MAGI2: variants seen among roughly 807,000 people sequenced by gnomAD.
The protein encoded by MAGI2 is membrane-associated guanylate kinase, WW and PDZ domain-containing protein 2.
MAGI2 carries 35 observed loss-of-function variants against 133.3 expected under a neutral mutation model. The observed-to-expected ratio is 0.26, with a 90% CI of 0.20 to 0.35. MAGI2 has a LOEUF of 0.35. Ranked by LOEUF, MAGI2 falls within the 10% of genes least tolerant of loss-of-function variation. The pLI, the probability that MAGI2 is intolerant of heterozygous loss-of-function variation, is 1.00. For missense variants in MAGI2, 1,636 were observed against 1,863.4 expected (o/e 0.88, Z 2.25); for synonymous variants, 729 against 710.6 (o/e 1.03, Z -0.41).
At chr7:78,318,959 G>C (rs192568606) in intron 9 of MAGI2, among the ~76,000 whole-genome samples, 155 of 152,284 alleles carry the variant, frequency 1.0e-3, no homozygotes, top group African/African-American at 3.5e-3. Flanking sequence ...AAGAGCTCCT[G>C]AAGGAAGCAC....
At chr7:78,357,964 T>C (rs915069484) in intron 7 of MAGI2, among the ~76,000 whole-genome samples, 1 of 150,932 alleles carries the variant, frequency 6.6e-6, no homozygotes, top group Non-Finnish European at 1.5e-5. Context: ...TGATAAACAC[T>C]AGTAATAAAT....
intron 1 of MAGI2, among the ~76,000 whole-genome samples, chr7:79,070,538 C>A (rs1191573970): frequency 2.6e-5 from 4 of 151,922 alleles, no homozygotes; most frequent in African/African-American, 9.7e-5. Flanking sequence ...GTCACCCAGG[C>A]TGGAGTGCAG....
chr7:78,463,300 G>A (rs977301611), intron 6 of MAGI2, among the ~76,000 whole-genome samples: 5 of 152,194 alleles, frequency 3.3e-5, no homozygotes, highest in African/African-American at 1.2e-4. Flanking sequence ...ACATGTACAG[G>A]GAAACATACA....
intron 9 of MAGI2, among the ~76,000 whole-genome samples, chr7:78,324,486 T>C (rs1339099231): frequency 6.6e-6 from 1 of 152,202 alleles, no homozygotes; most frequent in Middle Eastern, 3.2e-3. Context: ...TTACCTTTCC[T>C]AAACTTCAGT....
intron 1 of MAGI2, among the ~76,000 whole-genome samples, chr7:79,196,160 T>A (rs777322321): frequency 3.9e-5 from 6 of 152,040 alleles, no homozygotes; most frequent in Non-Finnish European, 8.8e-5. Context: ...CATTCCACAA[T>A]GTATATTTTC....
At chr7:79,256,165 G>T (rs1235741248) in intron 1 of MAGI2, among the ~76,000 whole-genome samples, 3 of 152,176 alleles carry the variant, frequency 2.0e-5, no homozygotes, top group Non-Finnish European at 4.4e-5. Context: ...TACTCTCAGA[G>T]AATTAGACGC....
At chr7:78,802,442 G>C (rs538349865) in intron 2 of MAGI2, among the ~76,000 whole-genome samples, 1 of 152,204 alleles carries the variant, frequency 6.6e-6, no homozygotes, top group African/African-American at 2.4e-5. Flanking sequence ...TCAGTGAAAT[G>C]TCCCAATTTA....
At chr7:78,176,923 A>T (rs1461718332) in intron 14 of MAGI2, among the ~76,000 whole-genome samples, 2 of 150,828 alleles carry the variant, frequency 1.3e-5, no homozygotes, top group Non-Finnish European at 3.0e-5. Context: ...ACACACACAC[A>T]CACACACACA....
chr7:79,176,765 C>T (rs192877417), intron 1 of MAGI2, among the ~76,000 whole-genome samples: 1 of 152,016 alleles, frequency 6.6e-6, no homozygotes, highest in Admixed American at 6.6e-5. Context: ...TTTGTAATAT[C>T]TTAGTAAAAT....
At chr7:78,617,751 G>T (rs1807263764) in intron 3 of MAGI2, 1 of 152,146 alleles carries the variant, frequency 6.6e-6, no homozygotes, top group African/African-American at 2.4e-5. Context: ...AATAAAAGTT[G>T]CAGTTTATAA....
chr7:78,315,511 T>C (rs904477263), intron 9 of MAGI2, among the ~76,000 whole-genome samples: 2 of 152,194 alleles, frequency 1.3e-5, no homozygotes, highest in Admixed American at 6.5e-5. Context: ...GTATTATTAC[T>C]AGTCCACTGA....
intron 6 of MAGI2, among the ~76,000 whole-genome samples, chr7:78,399,528 G>C (rs545723139): frequency 2.8e-4 from 42 of 152,290 alleles, no homozygotes; most frequent in African/African-American, 9.4e-4. Context: ...ATATTGGCTG[G>C]GTGCAGTGGC....
chr7:78,219,883 C>T (rs547313151), intron 10 of MAGI2, among the ~76,000 whole-genome samples: 25 of 152,338 alleles, frequency 1.6e-4, no homozygotes, highest in Non-Finnish European at 3.5e-4. Flanking sequence ...CTGTAAATGA[C>T]TTCTAACTAT....
chr7:78,271,592 T>C (rs932879279), intron 9 of MAGI2, among the ~76,000 whole-genome samples: 2 of 152,220 alleles, frequency 1.3e-5, no homozygotes, highest in Admixed American at 1.3e-4. Context: ...CCTGGACTTT[T>C]TTTGGTTGGT....
chr7:79,046,210 T>C (rs535746089), intron 1 of MAGI2, among the ~76,000 whole-genome samples: 2 of 152,312 alleles, frequency 1.3e-5, no homozygotes, highest in East Asian at 3.9e-4. Flanking sequence ...TCTCTTAATG[T>C]GACTGTGTTT....
intron 1 of MAGI2, among the ~76,000 whole-genome samples, chr7:79,166,815 T>C (rs1263738001): frequency 6.6e-6 from 1 of 152,050 alleles, no homozygotes; most frequent in South Asian, 2.1e-4. Context: ...GTAGAGGTTT[T>C]CTGATAATAT....
intron 2 of MAGI2, among the ~76,000 whole-genome samples, chr7:78,866,034 T>C (rs761436711): frequency 7.2e-5 from 11 of 152,194 alleles, no homozygotes; most frequent in Non-Finnish European, 1.5e-4. Context: ...TCAGGAGTGC[T>C]GCTGCTTACA....
intron 2 of MAGI2, among the ~76,000 whole-genome samples, chr7:78,947,629 A>G (rs1415444195): frequency 3.9e-5 from 6 of 152,268 alleles, no homozygotes; most frequent in Middle Eastern, 3.4e-3. Flanking sequence ...CATGAGATTC[A>G]TTTTTAACAA....
chr7:78,818,101 T>C (rs1789768887), intron 2 of MAGI2, among the ~76,000 whole-genome samples: 1 of 152,224 alleles, frequency 6.6e-6, no homozygotes, highest in Admixed American at 6.5e-5. Context: ...TAAATAAATC[T>C]GCATAGTTTT....
Sources: gnomAD v4.1 joint callset for allele counts (sites outside exome capture counted in the v4.1 genomes callset) on GRCh38, gnomAD v4.1.1 for gene constraint, MANE v1.5 for transcripts, NCBI Gene and HGNC (gene_info 2026-07-23, HGNC 2026-07-21) for gene names.